The following ITGA8 variants were observed in gnomAD, a reference collection of about 807,000 sequenced individuals.
ITGA8 encodes the protein integrin alpha-8.
In ITGA8, 91 loss-of-function variants were observed where a neutral mutation model predicts 142.3. That is an observed-to-expected ratio of 0.64 (90% confidence interval 0.54 to 0.76). The LOEUF (loss-of-function observed/expected upper bound fraction) is 0.76. Ranked by LOEUF, ITGA8 falls within the 30% of genes least tolerant of loss-of-function variation. The probability of loss-of-function intolerance (pLI) is 0.00; values close to 1 mark genes in which losing one functional copy is unlikely to be tolerated. For missense variants in ITGA8, 1,406 were observed against 1,327.7 expected, an observed-to-expected ratio of 1.06 and a Z score of -0.92; for synonymous variants, 505 against 485.2, an observed-to-expected ratio of 1.04 and a Z score of -0.54.
chr10:15,668,596 T>C (rs906720211), intron 8 of ITGA8, among the ~76,000 whole-genome samples: 3 of 152,330 alleles, frequency 2.0e-5, no homozygotes, highest in African/African-American at 7.2e-5. Flanking sequence ...CGTTAGTTGA[T>C]GCAGTTTCTT....
intron 23 of ITGA8, among the ~76,000 whole-genome samples, chr10:15,581,800 G>T (rs1255033019): frequency 6.6e-6 from 1 of 152,042 alleles, no homozygotes; most frequent in East Asian, 1.9e-4. Flanking sequence ...AGAAAGATGT[G>T]CATACATACA....
chr10:15,566,945 G>T (rs1374164517), intron 25 of ITGA8, among the ~76,000 whole-genome samples: 1 of 147,222 alleles, frequency 6.8e-6, no homozygotes, highest in Non-Finnish European at 1.5e-5. Flanking sequence ...ATCACCTGAG[G>T]TCAAGGGTTC....
In ITGA8 at chr10:15,572,202, G is replaced by T; in HGVS notation, c.2637+9C>A. The T allele has an allele frequency of 6.2e-7, 1 of 1,607,164 alleles. No individual in the cohort carries two copies. The highest frequency in any genetic ancestry group is 8.5e-7 in the Non-Finnish European group (1 of 1,176,006). ...ATCAACAAAGCCACTGATTAGACCAGACTCCTACCTTTATATCCTGTGGAT... is the reference window on the plus strand; with the variant it reads ...ATCAACAAAGCCACTGATTAGACCATACTCCTACCTTTATATCCTGTGGAT... On this transcript the variant is annotated intron_variant, in intron 25 of 29. Transcript: ENST00000378076.
chr10:15,684,756 C>A (rs536907456), intron 3 of ITGA8, among the ~76,000 whole-genome samples: 2 of 152,050 alleles, frequency 1.3e-5, no homozygotes, highest in East Asian at 3.9e-4. Flanking sequence ...TATTTCTTTT[C>A]TTTTTAATTG....
intron 6 of ITGA8, among the ~76,000 whole-genome samples, chr10:15,675,423 T>C (rs1834609256): frequency 6.6e-6 from 1 of 152,204 alleles, no homozygotes; most frequent in South Asian, 2.1e-4. Flanking sequence ...CAACCCATCA[T>C]TTAGGCTGCT....
chr10:15,531,984 AC>A (rs1261944937), intron 27 of ITGA8, among the ~76,000 whole-genome samples: 7 of 149,586 alleles, frequency 4.7e-5, no homozygotes, highest in African/African-American at 1.7e-4. Context: ...CACAGATTAC[AC>A]AAGACTCACA....
At chr10:15,555,736 C>T (rs994096729) in intron 26 of ITGA8, among the ~76,000 whole-genome samples, 17 of 152,022 alleles carry the variant, frequency 1.1e-4, no homozygotes, top group Non-Finnish European at 2.5e-4. Flanking sequence ...CGCTCTGTTG[C>T]CCAGGCTGGA....
At chr10:15,714,538 T>C (rs1008549127) in intron 2 of ITGA8, among the ~76,000 whole-genome samples, 49 of 152,208 alleles carry the variant, frequency 3.2e-4, no homozygotes, top group African/African-American at 1.2e-3. Flanking sequence ...AGGAAAATTA[T>C]CTACTCTTTG....
At chr10:15,651,987 A>G (rs750669544) in intron 11 of ITGA8, among the ~76,000 whole-genome samples, 2 of 152,200 alleles carry the variant, frequency 1.3e-5, no homozygotes, top group Admixed American at 6.5e-5. Context: ...GCATTAGTAA[A>G]TTAATGGAAA....
chr10:15,612,428 C>A (rs1278760827), intron 15 of ITGA8, among the ~76,000 whole-genome samples: 1 of 152,196 alleles, frequency 6.6e-6, no homozygotes, highest in Non-Finnish European at 1.5e-5. Flanking sequence ...TAGACCACGT[C>A]TCCTGAAAAA....
chr10:15,517,209 C>T lies in ITGA8; in HGVS notation c.3141G>A (p.Glu1047=), dbSNP rs1178537819. Residue 1047 remains glutamate (E), a synonymous_variant, in exon 30 of 30, where the codon GAG becomes GAA. Coordinates refer to ENST00000378076, the MANE Select transcript of ITGA8 (RefSeq NM_003638.3). ...TCAGCTGTTCCCTGTCGGTCATGTCCTCCTGAGGAGGTCTGGCTCTGTCAA... is the reference window on the plus strand; with the variant it reads ...TCAGCTGTTCCCTGTCGGTCATGTCTTCCTGAGGAGGTCTGGCTCTGTCAA... ...GFFDRARPPQ[E]DMTDREQLTN... The T allele has an allele frequency of 6.2e-7, 1 of 1,613,552 alleles. No individual in the cohort carries two copies. Among genetic ancestry groups the T allele is most frequent in the Non-Finnish European group, 8.5e-7 (1 of 1,179,652 alleles).
At chr10:15,694,374 A>G (rs1460749549) in intron 2 of ITGA8, among the ~76,000 whole-genome samples, 2 of 136,636 alleles carry the variant, frequency 1.5e-5, no homozygotes, top group African/African-American at 5.6e-5. Flanking sequence ...AATATATCAT[A>G]TATGATAATA....
Position 15,641,122 on chromosome 10 carries a change from C to T in ITGA8, c.1399+2908G>A, listed in dbSNP as rs569421241. On this transcript the variant is annotated intron_variant, in intron 13 of 29. Transcript: ENST00000378076. ...AGGCTGGAGTGCAGTGGCGCGATAT[C>T]GGCTCACTGCAACCTCTGCCTCCTG... Among the ~76,000 whole-genome samples, 20 of 152,246 alleles carry T rather than the reference C, an allele frequency of 1.3e-4. 1 individual carries two copies. Among genetic ancestry groups the T allele is most frequent in the South Asian group, 8.3e-4 (4 of 4,818 alleles).
intron 2 of ITGA8, among the ~76,000 whole-genome samples, chr10:15,707,988 A>ACACACC (rs1177565621): frequency 6.6e-6 from 1 of 151,542 alleles, no homozygotes; most frequent in Non-Finnish European, 1.5e-5. Context: ...ACACACACAC[A>ACACACC]CACACACACC....
At chr10:15,556,018 CTTTTTTTTTT>C (rs869241754) in intron 26 of ITGA8, among the ~76,000 whole-genome samples, 1 of 53,634 alleles carries the variant, frequency 1.9e-5, no homozygotes, top group South Asian at 9.4e-4. Context: ...CTCTCTCTCT[CTTTTTTTTTT>C]TTTTTTTTTT....
intron 6 of ITGA8, among the ~76,000 whole-genome samples, chr10:15,674,707 G>A (rs1398899325): frequency 3.3e-5 from 5 of 152,056 alleles, no homozygotes; most frequent in Non-Finnish European, 1.5e-5. Flanking sequence ...TGAGGCGGGC[G>A]GATCATGAGT....
chr10:15,530,541 C>CAAAA (rs57521125), intron 28 of ITGA8, among the ~76,000 whole-genome samples: 900 of 74,406 alleles, frequency 0.012, 57 homozygotes, highest in Middle Eastern at 0.032. Flanking sequence ...GCGAGACTCT[C>CAAAA]AAAAAAAAAA....
At chr10:15,639,231 G>C (rs1833826061) in intron 13 of ITGA8, among the ~76,000 whole-genome samples, 1 of 152,156 alleles carries the variant, frequency 6.6e-6, no homozygotes, top group Admixed American at 6.5e-5. Flanking sequence ...GAGAACAGCG[G>C]CTGGTGGGTT....
intron 26 of ITGA8, among the ~76,000 whole-genome samples, chr10:15,553,986 T>G (rs1023638582): frequency 3.3e-5 from 5 of 151,568 alleles, no homozygotes; most frequent in African/African-American, 1.2e-4. Flanking sequence ...AGAGTGAAAC[T>G]CTTGTCTCAA....
Sources: allele counts gnomAD v4.1 joint callset (sites outside exome capture counted in the v4.1 genomes callset), GRCh38; gene constraint gnomAD v4.1.1; transcripts MANE v1.5; gene names NCBI Gene and HGNC (gene_info 2026-07-23, HGNC 2026-07-21).